The following CNR2 variants were observed in gnomAD, a reference collection of about 807,000 sequenced individuals.
CNR2 encodes cannabinoid receptor 2.
For missense variants in CNR2, 379 were observed against 439.9 expected, an observed-to-expected ratio of 0.86 and a Z score of 1.24; for synonymous variants, 172 against 182.2, an observed-to-expected ratio of 0.94 and a Z score of 0.45.
intron 1 of CNR2, among the ~76,000 whole-genome samples, chr1:23,884,202 C>T (rs1361595543): frequency 2.7e-5 from 4 of 150,936 alleles, no homozygotes; most frequent in Admixed American, 6.7e-5. Flanking sequence ...GCCTCAGCCT[C>T]CCGAGTAGCT....
At chr1:23,891,147 T>C (rs984598574) in intron 1 of CNR2, among the ~76,000 whole-genome samples, 2 of 152,008 alleles carry the variant, frequency 1.3e-5, no homozygotes, top group African/African-American at 4.8e-5. Flanking sequence ...CCCAAAGTGT[T>C]GAGATTACAG....
intron 1 of CNR2, among the ~76,000 whole-genome samples, chr1:23,880,136 C>G (rs1639953867): frequency 6.6e-6 from 1 of 151,828 alleles, no homozygotes; most frequent in Admixed American, 6.6e-5. Context: ...TCAATGACAC[C>G]TACCCTGACT....
chr1:23,905,267 G>A (rs554324060), intron 1 of CNR2, among the ~76,000 whole-genome samples: 6 of 147,868 alleles, frequency 4.1e-5, no homozygotes, highest in Admixed American at 6.8e-5. Flanking sequence ...TGCAACCTCC[G>A]CCTCCCGGGT....
At chr1:23,893,317 C>T (rs1640220628) in intron 1 of CNR2, among the ~76,000 whole-genome samples, 1 of 152,186 alleles carries the variant, frequency 6.6e-6, no homozygotes, top group Non-Finnish European at 1.5e-5. Context: ...CCTCTTTCCA[C>T]TTTAGTCAAG....
Position 23,901,331 on chromosome 1 carries a change from C to T in CNR2, c.-46+11915G>A. ...TCTGGCTGTGTGGAAAAGGTGCCTA[C>T]TTCACAGAATCAAGCTTCAGTTGAC... On this transcript the variant is annotated intron_variant, in intron 1 of 1. Coordinates refer to ENST00000374472, the MANE Select transcript of CNR2 (RefSeq NM_001841.3). The T allele has an allele frequency of 8.1e-6, 6 of 738,746 alleles. 1 individual carries two copies. The South Asian group carries it at 1.4e-4, about 17-fold the overall frequency. The allele number at this position is 738,746 out of a possible 1,614,324, so 45.8% of individuals were successfully genotyped here.
At chr1:23,889,227 C>T (rs571073099) in intron 1 of CNR2, among the ~76,000 whole-genome samples, 18 of 152,144 alleles carry the variant, frequency 1.2e-4, no homozygotes, top group African/African-American at 3.6e-4. Context: ...GAAGTGAAAG[C>T]GTGAAGTGAA....
intron 1 of CNR2, among the ~76,000 whole-genome samples, chr1:23,883,843 C>CA (rs1167700054): frequency 1.3e-5 from 2 of 151,092 alleles, no homozygotes; most frequent in Non-Finnish European, 2.9e-5. Flanking sequence ...AAACAAACAA[C>CA]AAAAAAACAA....
At chr1:23,888,558 G>T (rs1441351600) in intron 1 of CNR2, among the ~76,000 whole-genome samples, 1 of 152,104 alleles carries the variant, frequency 6.6e-6, no homozygotes, top group Non-Finnish European at 1.5e-5. Context: ...TGCCAGCAGA[G>T]TTCTGAATAT....
intron 1 of CNR2, among the ~76,000 whole-genome samples, chr1:23,880,762 G>C (rs989082305): frequency 6.6e-6 from 1 of 150,806 alleles, no homozygotes; most frequent in East Asian, 2.0e-4. Flanking sequence ...AGTAGAGATG[G>C]CGTTTCACCA....
At chr1:23,882,497 G>A (rs1640008693) in intron 1 of CNR2, among the ~76,000 whole-genome samples, 3 of 152,042 alleles carry the variant, frequency 2.0e-5, no homozygotes, top group Non-Finnish European at 4.4e-5. Context: ...TATGCAAAGG[G>A]AAATTTACAG....
chr1:23,880,393 G>C (rs1639960648), intron 1 of CNR2, among the ~76,000 whole-genome samples: 1 of 151,862 alleles, frequency 6.6e-6, no homozygotes, highest in Non-Finnish European at 1.5e-5. Flanking sequence ...TAGTCAGGCT[G>C]GTCTTGATCT....
chr1:23,899,973 GGAAAGAAAGAAAGAAAAGAAA>G (rs764893194), intron 1 of CNR2, among the ~76,000 whole-genome samples: 11 of 13,992 alleles, frequency 7.9e-4, no homozygotes, highest in African/African-American at 2.3e-3. Context: ...AAGAAAGAAA[GGAAAGAAAGAAAGAAAAGAAA>G]GAAAGAAAGG....
intron 1 of CNR2, among the ~76,000 whole-genome samples, chr1:23,904,005 G>T (rs56848734): frequency 0.016 from 2,396 of 152,054 alleles, 64 homozygotes; most frequent in African/African-American, 0.054. Flanking sequence ...TAATCTTTCT[G>T]GGGGGCCCTT....
At chr1:23,875,733 CTG>C in intron 1 of CNR2, 71 bp from the exon 2 acceptor site, 1 of 1,271,930 alleles carries the variant, frequency 7.9e-7, no homozygotes, top group South Asian at 1.5e-5. Flanking sequence ...TGATAACTGA[CTG>C]TAGCCAAAAC....
intron 1 of CNR2, among the ~76,000 whole-genome samples, chr1:23,892,024 T>A: frequency 6.6e-6 from 1 of 152,156 alleles, no homozygotes; most frequent in Non-Finnish European, 1.5e-5. Context: ...CCCAAGCCCA[T>A]GACAGACACT....
intron 1 of CNR2, among the ~76,000 whole-genome samples, chr1:23,887,106 AT>A (rs1344840077): frequency 6.6e-6 from 1 of 152,130 alleles, no homozygotes; most frequent in African/African-American, 2.4e-5. Context: ...GGGTTTTGCC[AT>A]GTTGGCCAGG....
At chr1:23,898,307 G>T (rs934136506) in intron 1 of CNR2, among the ~76,000 whole-genome samples, 7 of 143,098 alleles carry the variant, frequency 4.9e-5, no homozygotes, top group African/African-American at 1.8e-4. Context: ...AAAGTGCTGG[G>T]ATTACAGGCG....
rs111751130 is a variant in CNR2 at position 23,874,856 on chromosome 1, G to A, written c.762C>T (p.Leu254=). Reference sequence around the variant, plus strand: ...CCAGCACTGGGAACCAACAGATGAGGAGCACAGCCAACACTAGCCCTAGGG... The same window carrying A: ...CCAGCACTGGGAACCAACAGATGAGAAGCACAGCCAACACTAGCCCTAGGG... ...AKTLGLVLAV[L]LICWFPVLAL... is the part of the protein sequence containing the mutation. Residue 254 remains leucine, a synonymous_variant, in exon 2 of 2, where the codon CTC becomes CTT. Transcript: ENST00000374472. The A allele has an allele frequency of 3.7e-6, 6 of 1,614,060 alleles. No homozygotes were observed. Among genetic ancestry groups the A allele is most frequent in the East Asian group, 2.2e-5 (1 of 44,872 alleles).
chr1:23,883,186 C>T (rs773139149), intron 1 of CNR2, among the ~76,000 whole-genome samples: 5 of 152,140 alleles, frequency 3.3e-5, no homozygotes, highest in South Asian at 2.1e-4. Context: ...CCCATCAGAT[C>T]GGTAAAAAAG....
Sources: allele counts gnomAD v4.1 joint callset (sites outside exome capture counted in the v4.1 genomes callset), GRCh38; gene constraint gnomAD v4.1.1; transcripts MANE v1.5; gene names NCBI Gene and HGNC (gene_info 2026-07-23, HGNC 2026-07-21).